Variants in SGMS1 observed in about 807,000 individuals in gnomAD.
The protein encoded by SGMS1 is phosphatidylcholine:ceramide cholinephosphotransferase 1.
In SGMS1, 13 loss-of-function variants were observed where a neutral mutation model predicts 46.2. The observed-to-expected ratio is 0.28, with a 90% CI of 0.18 to 0.45. The LOEUF is 0.45. Ranked by LOEUF, SGMS1 falls within the 20% of genes least tolerant of loss-of-function variation. The pLI, the probability that SGMS1 is intolerant of heterozygous loss-of-function variation, is 1.00. For missense variants in SGMS1, 324 were observed against 519.9 expected (o/e 0.62, Z 3.66); for synonymous variants, 203 against 187.8 (o/e 1.08, Z -0.66).
chr10:50,534,872 TCAAA>T (rs1334445654), intron 2 of SGMS1, among the ~76,000 whole-genome samples: 16 of 152,302 alleles, frequency 1.1e-4, no homozygotes, highest in East Asian at 7.7e-4. Flanking sequence ...CCACAGCAAC[TCAAA>T]CAGTTTCCAG....
At chr10:50,620,443 C>T (rs1838838721) in intron 1 of SGMS1, among the ~76,000 whole-genome samples, 1 of 152,174 alleles carries the variant, frequency 6.6e-6, no homozygotes, top group Non-Finnish European at 1.5e-5. Flanking sequence ...ACATGTTATG[C>T]CCCCACAAGG....
chr10:50,349,889 T>C (rs1564884253), intron 6 of SGMS1, among the ~76,000 whole-genome samples: 1 of 152,124 alleles, frequency 6.6e-6, no homozygotes, highest in East Asian at 1.9e-4. Context: ...AACAAACTAA[T>C]ACAGTACATT....
At chr10:50,339,046 C>T (rs774994047) in intron 7 of SGMS1, among the ~76,000 whole-genome samples, 1 of 152,202 alleles carries the variant, frequency 6.6e-6, no homozygotes, top group Non-Finnish European at 1.5e-5. Context: ...CCTGCAGTGG[C>T]ATCTCAACCA....
intron 1 of SGMS1, among the ~76,000 whole-genome samples, chr10:50,594,781 T>C (rs999208650): frequency 1.3e-5 from 2 of 152,244 alleles, no homozygotes; most frequent in Non-Finnish European, 2.9e-5. Flanking sequence ...AGAAATGTTA[T>C]CATAAATTTA....
intron 5 of SGMS1, among the ~76,000 whole-genome samples, chr10:50,444,373 C>T (rs188899167): frequency 3.3e-4 from 50 of 152,160 alleles, no homozygotes; most frequent in African/African-American, 1.0e-3. Flanking sequence ...TGGAGAAATT[C>T]TCAACAAAAT....
intron 7 of SGMS1, chr10:50,342,394 C>T (rs1332781414): frequency 4.6e-5 from 7 of 152,170 alleles, no homozygotes; most frequent in African/African-American, 1.2e-4. Context: ...AAACACTGAT[C>T]AGTTAAATGG....
chr10:50,399,245 C>T lies in SGMS1; in HGVS notation c.-232+34231G>A, dbSNP rs73331000. Reference sequence around the variant, plus strand: ...GGAGGTAACTAAGGAAGGATGTGCTCAAATTCCAAGTTTTGAGAATATTCA... The same window carrying T: ...GGAGGTAACTAAGGAAGGATGTGCTTAAATTCCAAGTTTTGAGAATATTCA... On this transcript the variant is annotated intron_variant, in intron 6 of 10. Transcript: ENST00000361781. 5.1e-3 allele frequency among the ~76,000 whole-genome samples: 774 copies of T among 152,174 alleles called. 2 individuals are homozygous for T. The highest frequency in any genetic ancestry group is 0.018 in the African/African-American group (747 of 41,518).
chr10:50,365,255 C>CAAAAAAAAAAAAAAAAAAAAAA lies in SGMS1; in HGVS notation c.-231-20932_-231-20911dup, dbSNP rs67951872. On this transcript the variant is annotated intron_variant, in intron 6 of 10. Transcript: ENST00000361781. ...GCGACGGAGTGAGACTCCATCTCAC[C>CAAAAAAAAAAAAAAAAAAAAAA]AAAAAAAAAAAAAAAAAAAAAAAGC... Among the ~76,000 whole-genome samples the CAAAAAAAAAAAAAAAAAAAAAA allele has an allele frequency of 3.9e-3, 174 of 45,026 alleles. 9 individuals are homozygous for CAAAAAAAAAAAAAAAAAAAAAA. Among genetic ancestry groups the CAAAAAAAAAAAAAAAAAAAAAA allele is most frequent in the South Asian group, 6.8e-3 (5 of 734 alleles). 29.5% of individuals were successfully genotyped at this position (45,026 alleles called of 152,430 possible).
chr10:50,505,312 T>C (rs923770064), intron 3 of SGMS1, among the ~76,000 whole-genome samples: 19 of 152,218 alleles, frequency 1.2e-4, no homozygotes, highest in African/African-American at 3.9e-4. Flanking sequence ...CCCCAAAATC[T>C]AGTCAATACC....
intron 3 of SGMS1, among the ~76,000 whole-genome samples, chr10:50,481,561 TAGAG>T (rs1450345038): frequency 1.3e-5 from 2 of 152,112 alleles, no homozygotes; most frequent in Non-Finnish European, 2.9e-5. Context: ...TGAAGGTAGA[TAGAG>T]AAAGAATCAA....
At chr10:50,484,166 A>G (rs1161990186) in intron 3 of SGMS1, among the ~76,000 whole-genome samples, 1 of 152,154 alleles carries the variant, frequency 6.6e-6, no homozygotes, top group Admixed American at 6.5e-5. Context: ...AATAAAGAAG[A>G]AAAAGAGAAG....
intron 2 of SGMS1, among the ~76,000 whole-genome samples, chr10:50,566,062 G>A (rs1047650261): frequency 4.9e-4 from 74 of 152,200 alleles, no homozygotes; most frequent in African/African-American, 1.6e-3. Context: ...ATAACTGCTG[G>A]ATATTCTTTC....
intron 2 of SGMS1, among the ~76,000 whole-genome samples, chr10:50,568,958 C>T (rs1353606777): frequency 1.3e-5 from 2 of 152,058 alleles, no homozygotes; most frequent in Admixed American, 6.5e-5. Flanking sequence ...CCATGGAATA[C>T]TATGCAGCCA....
At position 50,343,902 on chromosome 10, in the gene SGMS1, G is replaced by A. The variant is rs780728320; in HGVS notation, c.213C>T (p.His71=). The stretch of plus-strand genomic sequence containing the variant: ...GGCCGTTCTTGTGTGCTTCCAAATG[G>A]TGCTCCATTTTCAGGGTTTCTATCA... The part of the protein sequence containing the change: ...LDMIETLKME[H]HLEAHKNGHA... Residue 71 remains histidine, a synonymous_variant, in exon 7 of 11, where the codon CAC becomes CAT. Coordinates refer to ENST00000361781, the MANE Select transcript of SGMS1 (RefSeq NM_147156.4). 1.9e-6 allele frequency: 3 copies of A among 1,614,112 alleles called. No homozygotes were observed. The highest frequency in any genetic ancestry group is 2.5e-6 in the Non-Finnish European group (3 of 1,180,038).
At chr10:50,493,622 G>GA (rs77665729) in intron 3 of SGMS1, among the ~76,000 whole-genome samples, 1 of 150,188 alleles carries the variant, frequency 6.7e-6, no homozygotes, top group Non-Finnish European at 1.5e-5. Context: ...AAATTTACAA[G>GA]AAAAAAACAA....
intron 6 of SGMS1, among the ~76,000 whole-genome samples, chr10:50,374,514 C>T (rs780420458): frequency 6.6e-6 from 1 of 150,550 alleles, no homozygotes; most frequent in East Asian, 2.0e-4. Flanking sequence ...AACCAATCAC[C>T]TCTAACACTG....
At chr10:50,354,977 C>G (rs1007660590) in intron 6 of SGMS1, among the ~76,000 whole-genome samples, 8 of 152,194 alleles carry the variant, frequency 5.3e-5, no homozygotes, top group South Asian at 4.1e-4. Flanking sequence ...AATAGGAACA[C>G]TTTTACACTG....
chr10:50,382,006 C>T (rs1848614106), intron 6 of SGMS1, among the ~76,000 whole-genome samples: 1 of 152,150 alleles, frequency 6.6e-6, no homozygotes, highest in South Asian at 2.1e-4. Flanking sequence ...GGTGAGTTGT[C>T]TTTTCCTTTC....
At chr10:50,351,653 C>T (rs1848015076) in intron 6 of SGMS1, among the ~76,000 whole-genome samples, 1 of 152,104 alleles carries the variant, frequency 6.6e-6, no homozygotes, top group Non-Finnish European at 1.5e-5. Flanking sequence ...TTTTTGCTTG[C>T]TCCTCATTTT....
Sources: allele counts gnomAD v4.1 joint callset (sites outside exome capture counted in the v4.1 genomes callset), GRCh38; gene constraint gnomAD v4.1.1; transcripts MANE v1.5; gene names NCBI Gene and HGNC (gene_info 2026-07-23, HGNC 2026-07-21).